The following LUZP2 variants were observed in gnomAD, a reference collection of about 807,000 sequenced individuals.
LUZP2 encodes the protein leucine zipper protein 2.
In LUZP2, 52 loss-of-function variants were observed where a neutral mutation model predicts 51.6. That is an observed-to-expected ratio of 1.01 (90% CI 0.81 to 1.27). LUZP2 has a LOEUF of 1.27. LUZP2 is among the 50% of genes most tolerant of loss of function. The probability of loss-of-function intolerance (pLI) is 0.00; values close to 1 mark genes in which losing one functional copy is unlikely to be tolerated. For missense variants in LUZP2, 436 were observed against 395.4 expected, an observed-to-expected ratio of 1.10 and a Z score of -0.87; for synonymous variants, 154 against 137.3, an observed-to-expected ratio of 1.12 and a Z score of -0.85.
At chr11:24,886,544 C>CT (rs1454787149) in intron 5 of LUZP2, among the ~76,000 whole-genome samples, 1 of 152,020 alleles carries the variant, frequency 6.6e-6, no homozygotes, top group Non-Finnish European at 1.5e-5. Flanking sequence ...ATTGCTTTAC[C>CT]TTTTTGCCTT....
In LUZP2 at chr11:24,685,085, C is replaced by G. The variant is rs145058376; in HGVS notation, c.63-44084C>G. Among the ~76,000 whole-genome samples the G allele has an allele frequency of 3.4e-3, 507 of 151,104 alleles. 5 individuals are homozygous for G. The highest frequency in any genetic ancestry group is 0.012 in the African/African-American group (489 of 41,146). ...TTTTCCATATCTATCCAAGTTTTCT[C>G]TATGGGAGAGAGTTGTCTAATTGTT... On this transcript the variant is annotated intron_variant, in intron 1 of 11. Coordinates refer to ENST00000336930, the MANE Select transcript of LUZP2 (RefSeq NM_001009909.4).
chr11:24,785,132 T>A (rs550591175), intron 5 of LUZP2, among the ~76,000 whole-genome samples: 1 of 152,152 alleles, frequency 6.6e-6, no homozygotes, highest in Non-Finnish European at 1.5e-5. Context: ...CTATGATACC[T>A]TTTCAGACCT....
At chr11:24,963,584 A>G (rs574427064) in intron 7 of LUZP2, among the ~76,000 whole-genome samples, 18 of 141,238 alleles carry the variant, frequency 1.3e-4, no homozygotes, top group South Asian at 2.3e-4. Context: ...GCGGGATATA[A>G]TCTCCTGGTG....
chr11:24,929,782 C>G (rs796962527), intron 7 of LUZP2, among the ~76,000 whole-genome samples: 1 of 152,152 alleles, frequency 6.6e-6, no homozygotes, highest in East Asian at 1.9e-4. Context: ...TGTTGACTTT[C>G]TCTCCTGATG....
At chr11:24,534,883 A>G (rs1851124563) in intron 1 of LUZP2, among the ~76,000 whole-genome samples, 1 of 151,348 alleles carries the variant, frequency 6.6e-6, no homozygotes, top group Non-Finnish European at 1.5e-5. Flanking sequence ...CTTGGTTGAA[A>G]CTTTTAAAAC....
intron 1 of LUZP2, among the ~76,000 whole-genome samples, chr11:24,664,774 A>T (rs889414409): frequency 2.0e-5 from 3 of 152,200 alleles, no homozygotes; most frequent in Non-Finnish European, 4.4e-5. Flanking sequence ...GAAGTACAAA[A>T]TTGAGGTTTG....
At chr11:24,698,750 T>A (rs779234200) in intron 1 of LUZP2, among the ~76,000 whole-genome samples, 5 of 152,076 alleles carry the variant, frequency 3.3e-5, no homozygotes, top group Non-Finnish European at 7.4e-5. Context: ...ATCCTCAACA[T>A]CATCTCATCC....
intron 9 of LUZP2, among the ~76,000 whole-genome samples, chr11:25,044,507 T>A (rs960346343): frequency 9.9e-5 from 15 of 152,012 alleles, no homozygotes; most frequent in African/African-American, 3.6e-4. Context: ...GTTCATTAAT[T>A]AAATATTATG....
intron 1 of LUZP2, among the ~76,000 whole-genome samples, chr11:24,581,515 A>G (rs919796209): frequency 7.4e-6 from 1 of 135,344 alleles, no homozygotes; most frequent in Non-Finnish European, 1.7e-5. Flanking sequence ...GACTAAAAAT[A>G]CAAAAATTAC....
rs1859472111 is a variant in LUZP2 at position 25,082,050 on chromosome 11, G to A, written c.*3392G>A. 1 of 152,476 alleles carries A rather than the reference G, an allele frequency of 6.6e-6. No homozygotes were observed. The highest frequency in any genetic ancestry group is 2.1e-4 in the South Asian group (1 of 4,820). 9.4% of individuals were successfully genotyped at this position (152,476 alleles called of 1,614,324 possible). A position where few individuals can be genotyped will look rare whatever the true frequency, so the allele number is the denominator to read the frequency against. On this transcript the variant is annotated 3_prime_UTR_variant, in exon 12 of 12. Transcript: ENST00000336930. ...TTCCTAAAATGCATTAAACTTGAAT[G>A]CTGTGTCTATCCAATGCCAAAATGC...
intron 3 of LUZP2, among the ~76,000 whole-genome samples, chr11:24,734,556 A>G (rs889177438): frequency 1.3e-5 from 2 of 151,938 alleles, no homozygotes; most frequent in African/African-American, 4.8e-5. Flanking sequence ...AACTTGTATT[A>G]TATACACAAT....
chr11:25,039,214 G>A (rs13377371), intron 9 of LUZP2, among the ~76,000 whole-genome samples: 11,493 of 152,200 alleles, frequency 0.076, 1,385 homozygotes, highest in African/African-American at 0.25. Context: ...CCACAGCCCT[G>A]GGATTCTAGG....
intron 9 of LUZP2, among the ~76,000 whole-genome samples, chr11:24,991,684 C>T (rs1856350908): frequency 1.3e-5 from 2 of 151,958 alleles, no homozygotes; most frequent in African/African-American, 4.8e-5. Flanking sequence ...ACATTCCCGC[C>T]AGCAGTGTAG....
At chr11:24,501,831 TAAC>T (rs1015886489) in intron 1 of LUZP2, among the ~76,000 whole-genome samples, 4 of 152,132 alleles carry the variant, frequency 2.6e-5, no homozygotes, top group Admixed American at 6.6e-5. Context: ...ATTGGGTAAA[TAAC>T]AACAAAATTT....
At chr11:24,606,495 A>G (rs1853923424) in intron 1 of LUZP2, among the ~76,000 whole-genome samples, 1 of 152,004 alleles carries the variant, frequency 6.6e-6, no homozygotes. Flanking sequence ...GTCTATACAA[A>G]CACAGACACT....
chr11:24,609,696 C>A (rs1375978212), intron 1 of LUZP2, among the ~76,000 whole-genome samples: 1 of 125,766 alleles, frequency 8.0e-6, no homozygotes, highest in Non-Finnish European at 1.6e-5. Context: ...CACCACTGCA[C>A]TCCAGCCTGG....
At chr11:24,520,982 G>T (rs1850621353) in intron 1 of LUZP2, among the ~76,000 whole-genome samples, 1 of 152,230 alleles carries the variant, frequency 6.6e-6, no homozygotes, top group Non-Finnish European at 1.5e-5. Context: ...CGTGTTTTTA[G>T]TTCCCTAGAT....
chr11:24,544,279 A>G (rs1047642401), intron 1 of LUZP2, among the ~76,000 whole-genome samples: 1 of 151,984 alleles, frequency 6.6e-6, no homozygotes, highest in African/African-American at 2.4e-5. Flanking sequence ...TAACATTCTA[A>G]ATAAAAATAA....
At chr11:24,709,967 G>T (rs778967455) in intron 1 of LUZP2, among the ~76,000 whole-genome samples, 1 of 152,098 alleles carries the variant, frequency 6.6e-6, no homozygotes, top group Non-Finnish European at 1.5e-5. Flanking sequence ...CATGAACCAG[G>T]ATTCAATCCT....
Sources: allele counts gnomAD v4.1 joint callset (sites outside exome capture counted in the v4.1 genomes callset), GRCh38; gene constraint gnomAD v4.1.1; transcripts MANE v1.5; gene names NCBI Gene and HGNC (gene_info 2026-07-23, HGNC 2026-07-21).